NCOA7: variants seen among roughly 807,000 people sequenced by gnomAD.
NCOA7 encodes the protein nuclear receptor coactivator 7.
In NCOA7, 45 loss-of-function variants were observed where a neutral mutation model predicts 104.3. The observed-to-expected ratio is 0.43, with a 90% CI of 0.34 to 0.55. The LOEUF (loss-of-function observed/expected upper bound fraction) is 0.55. Among genes scored for constraint, NCOA7 ranks in the 20% least tolerant of loss-of-function variants. The pLI is 0.02. For missense variants in NCOA7, 1,041 were observed against 1,119.7 expected, an observed-to-expected ratio of 0.93 and a Z score of 1.00; for synonymous variants, 398 against 402.3, an observed-to-expected ratio of 0.99 and a Z score of 0.13.
intron 10 of NCOA7, among the ~76,000 whole-genome samples, chr6:125,907,840 C>T (rs1000178600): frequency 6.6e-6 from 1 of 152,180 alleles, no homozygotes; most frequent in Non-Finnish European, 1.5e-5. Flanking sequence ...CAGGAAATCA[C>T]AGCTTTTCTT....
At chr6:125,811,530 G>C (rs1193897297) in intron 1 of NCOA7, among the ~76,000 whole-genome samples, 1 of 152,118 alleles carries the variant, frequency 6.6e-6, no homozygotes, top group Admixed American at 6.5e-5. Flanking sequence ...GTCAGGGAAG[G>C]CTTTGAAGTA....
chr6:125,922,942 C>T, intron 13 of NCOA7, 108 bp downstream of exon 13: 9 of 1,047,434 alleles, frequency 8.6e-6, no homozygotes, highest in Non-Finnish European at 1.2e-5. Flanking sequence ...CCACAGTTAA[C>T]AGGATTTTGC....
intron 2 of NCOA7, among the ~76,000 whole-genome samples, chr6:125,823,621 A>G (rs1778396330): frequency 6.6e-6 from 1 of 152,220 alleles, no homozygotes; most frequent in Non-Finnish European, 1.5e-5. Flanking sequence ...TTATCTGCTA[A>G]TGTTTTCAGG....
intron 11 of NCOA7, among the ~76,000 whole-genome samples, chr6:125,915,929 A>G (rs994909064): frequency 2.6e-5 from 4 of 152,262 alleles, no homozygotes; most frequent in African/African-American, 9.6e-5. Context: ...TATTGTTATT[A>G]ATTTTTATTG....
chr6:125,871,886 A>G (rs999206541), intron 3 of NCOA7, among the ~76,000 whole-genome samples: 3 of 150,684 alleles, frequency 2.0e-5, no homozygotes, highest in Non-Finnish European at 3.0e-5. Context: ...AGTCCCAGCT[A>G]TTCGGGAAGC....
chr6:125,783,607 G>A (rs1562738970), intron 1 of NCOA7, among the ~76,000 whole-genome samples: 5 of 151,878 alleles, frequency 3.3e-5, no homozygotes, highest in Admixed American at 1.3e-4. Context: ...AACCTAAATC[G>A]TCCCAAATTC....
At position 125,873,765 on chromosome 6, in the gene NCOA7, T is replaced by A. The variant is rs536440423; in HGVS notation, c.272-1124T>A. ...GTAGTGGTTCACATTTCTGTCAACA[T>A]TGGAATTATACAGCTTTCTGATTTT... On this transcript the variant is annotated intron_variant, in intron 3 of 15. Transcript: ENST00000392477. Among the ~76,000 whole-genome samples the A allele has an allele frequency of 7.2e-5, 11 of 152,364 alleles. No individual in the cohort carries two copies. The South Asian group carries it at 2.3e-3, about 32-fold the overall frequency.
At chr6:125,900,959 G>A (rs1319615084) in intron 10 of NCOA7, among the ~76,000 whole-genome samples, 1 of 152,168 alleles carries the variant, frequency 6.6e-6, no homozygotes, top group Non-Finnish European at 1.5e-5. Context: ...ATTTTTAAAG[G>A]CAGTCGTTTT....
chr6:125,854,052 AG>A (rs1781353681), intron 2 of NCOA7, among the ~76,000 whole-genome samples: 1 of 152,162 alleles, frequency 6.6e-6, no homozygotes. Flanking sequence ...TATGCTCAAA[AG>A]GGTGAAGGAA....
chr6:125,886,895 T>C (rs1399652599), intron 8 of NCOA7, among the ~76,000 whole-genome samples: 2 of 152,248 alleles, frequency 1.3e-5, no homozygotes, highest in Non-Finnish European at 2.9e-5. Flanking sequence ...AGAGTGTGTG[T>C]ATGTGCGCGT....
chr6:125,787,028 T>C (rs1317279205), upstream of NCOA7, among the ~76,000 whole-genome samples: 9 of 151,520 alleles, frequency 5.9e-5, no homozygotes, highest in African/African-American at 2.2e-4. Context: ...ATGACTGTAG[T>C]CCCAGCTACT....
chr6:125,831,907 C>G (rs908214610), intron 2 of NCOA7, among the ~76,000 whole-genome samples: 2 of 152,152 alleles, frequency 1.3e-5, no homozygotes, highest in Non-Finnish European at 2.9e-5. Context: ...TCTCGCCATC[C>G]CCTATATGCC....
chr6:125,794,700 G>C (rs1026184950), intron 1 of NCOA7, among the ~76,000 whole-genome samples: 1 of 152,132 alleles, frequency 6.6e-6, no homozygotes, highest in Non-Finnish European at 1.5e-5. Context: ...TTTGAACTTA[G>C]CCAAATGGAA....
At chr6:125,815,173 C>T (rs1185851684) in intron 1 of NCOA7, 118 bp from the exon 2 acceptor site, 1 of 416,516 alleles carries the variant, frequency 2.4e-6, no homozygotes, top group Non-Finnish European at 4.3e-6. Context: ...GTGACTGTTT[C>T]CTGGTTAAAG....
At chr6:125,825,977 TA>T (rs1288006924) in intron 2 of NCOA7, among the ~76,000 whole-genome samples, 3 of 152,196 alleles carry the variant, frequency 2.0e-5, no homozygotes, top group Non-Finnish European at 4.4e-5. Context: ...TTTTAAAATA[TA>T]AAAATTAGTT....
At position 125,929,108 on chromosome 6, in the gene NCOA7, A is replaced by C. The variant is rs1788298531; in HGVS notation, c.*337A>C. 1 of 182,320 alleles carries C rather than the reference A, an allele frequency of 5.5e-6. No individual in the cohort carries two copies. Among genetic ancestry groups the C allele is most frequent in the African/African-American group, 2.4e-5 (1 of 42,460 alleles). 11.3% of individuals were successfully genotyped at this position (182,320 alleles called of 1,614,324 possible). A position where few individuals can be genotyped will look rare whatever the true frequency, so the allele number is the denominator to read the frequency against. On this transcript the variant is annotated 3_prime_UTR_variant, in exon 16 of 16. Transcript: ENST00000392477. ...AACTGTGAAAAATAAGATACTGTGG[A>C]TATATACATGCCTTGTGTATTTATC...
At chr6:125,832,684 TCA>T (rs1306602533) in intron 2 of NCOA7, among the ~76,000 whole-genome samples, 1 of 152,234 alleles carries the variant, frequency 6.6e-6, no homozygotes, top group Non-Finnish European at 1.5e-5. Flanking sequence ...TGCTCAAAGA[TCA>T]CAGTTTTATA....
At chr6:125,821,452 A>G (rs1326697375) in intron 2 of NCOA7, among the ~76,000 whole-genome samples, 1 of 152,124 alleles carries the variant, frequency 6.6e-6, no homozygotes. Flanking sequence ...CTTATAGAAC[A>G]CAGGTCACCT....
Position 125,815,228 on chromosome 6 carries a change from A to C in NCOA7, c.-64-63A>C, listed in dbSNP as rs878915752. The C allele has an allele frequency of 1.3e-5, 8 of 597,240 alleles. No individual in the cohort carries two copies. In the South Asian group the frequency reaches 2.2e-4, roughly 17 times the overall value. 37.0% of individuals were successfully genotyped at this position (597,240 alleles called of 1,614,324 possible). The stretch of plus-strand genomic sequence containing the variant: ...AGTCCATGTAGTTCTACTCCATTTT[A>C]TTTTTCACATTGGCCAGTGTAAACT... On this transcript the variant is annotated intron_variant, in intron 1 of 15. Coordinates refer to ENST00000392477, the MANE Select transcript of NCOA7 (RefSeq NM_181782.5).
Sources: gnomAD v4.1 joint callset for allele counts (sites outside exome capture counted in the v4.1 genomes callset) on GRCh38, gnomAD v4.1.1 for gene constraint, MANE v1.5 for transcripts, NCBI Gene and HGNC (gene_info 2026-07-23, HGNC 2026-07-21) for gene names.